Variants in NEGR1 observed in about 807,000 individuals in gnomAD.
NEGR1 encodes IgLON family member 4.
A neutral mutation model predicts 40.9 loss-of-function variants in NEGR1; 10 were observed. The observed-to-expected ratio is 0.24, with a 90% CI of 0.15 to 0.42. The LOEUF is 0.42. NEGR1 is among the 10% of genes least tolerant of loss of function. The pLI is 1.00. For missense variants in NEGR1, 352 were observed against 438.9 expected (o/e 0.80, Z 1.77); for synonymous variants, 185 against 166.8 (o/e 1.11, Z -0.84).
chr1:72,129,576 G>A (rs1650165511), intron 1 of NEGR1, among the ~76,000 whole-genome samples: 1 of 152,138 alleles, frequency 6.6e-6, no homozygotes, highest in African/African-American at 2.4e-5. Flanking sequence ...TTGAAGTTTA[G>A]GGAGAAAAGA....
intron 4 of NEGR1, among the ~76,000 whole-genome samples, chr1:71,642,614 CAA>C (rs879672787): frequency 1.4e-5 from 2 of 140,576 alleles, no homozygotes; most frequent in Admixed American, 7.1e-5. Flanking sequence ...ACTATGCAGT[CAA>C]AAAAAAAAAG....
At chr1:72,271,765 G>A (rs1655851911) in intron 1 of NEGR1, among the ~76,000 whole-genome samples, 1 of 151,810 alleles carries the variant, frequency 6.6e-6, no homozygotes, top group East Asian at 1.9e-4. Flanking sequence ...GAATTCCCAC[G>A]TGTTGTGGGA....
At chr1:71,468,906 T>C (rs1240508304) in intron 6 of NEGR1, 1 of 152,080 alleles carries the variant, frequency 6.6e-6, no homozygotes, top group African/African-American at 2.4e-5. Context: ...TGATATTAAA[T>C]ATTCAAGAAA....
At chr1:71,869,018 C>G (rs1472824507) in intron 2 of NEGR1, among the ~76,000 whole-genome samples, 2 of 152,158 alleles carry the variant, frequency 1.3e-5, no homozygotes, top group African/African-American at 2.4e-5. Context: ...TTAGGAACAC[C>G]TCCTGAGTGA....
intron 1 of NEGR1, among the ~76,000 whole-genome samples, chr1:71,995,362 T>C (rs1646495567): frequency 6.6e-6 from 1 of 152,140 alleles, no homozygotes; most frequent in African/African-American, 2.4e-5. Flanking sequence ...CGGTTCTATG[T>C]ATTTTGATTA....
At chr1:71,937,408 G>C (rs1362391561) in intron 1 of NEGR1, among the ~76,000 whole-genome samples, 1 of 152,300 alleles carries the variant, frequency 6.6e-6, no homozygotes. Context: ...GATAATTCTA[G>C]TGTGTCATTT....
chr1:71,579,559 T>G (rs908514896), intron 6 of NEGR1, among the ~76,000 whole-genome samples: 7 of 152,046 alleles, frequency 4.6e-5, no homozygotes, highest in African/African-American at 1.7e-4. Context: ...ATACAACTAC[T>G]TAAGTTTTTT....
intron 3 of NEGR1, among the ~76,000 whole-genome samples, chr1:71,750,448 C>T (rs374265219): frequency 4.5e-4 from 68 of 151,956 alleles, no homozygotes; most frequent in African/African-American, 1.4e-3. Context: ...AAGACATACC[C>T]GAGACATATA....
chr1:71,894,078 C>T (rs1341571839), intron 2 of NEGR1, among the ~76,000 whole-genome samples: 14 of 106,942 alleles, frequency 1.3e-4, no homozygotes, highest in South Asian at 8.3e-4. Flanking sequence ...GTGGTGGGGT[C>T]GGGGGAGGGG....
At chr1:71,578,119 A>G (rs1320087493) in intron 6 of NEGR1, among the ~76,000 whole-genome samples, 1 of 152,160 alleles carries the variant, frequency 6.6e-6, no homozygotes, top group African/African-American at 2.4e-5. Context: ...ATCAGTTAGT[A>G]GGGTATAATA....
chr1:71,770,464 A>C (rs192972240), intron 3 of NEGR1, among the ~76,000 whole-genome samples: 5 of 152,354 alleles, frequency 3.3e-5, no homozygotes, highest in African/African-American at 9.6e-5. Flanking sequence ...AAAGCAGTTA[A>C]GTAAAGTTAC....
At chr1:71,676,846 T>C (rs375509982) in intron 4 of NEGR1, among the ~76,000 whole-genome samples, 13 of 152,186 alleles carry the variant, frequency 8.5e-5, no homozygotes, top group African/African-American at 3.1e-4. Flanking sequence ...AGCAAACAGC[T>C]ATTAGAATGC....
chr1:71,546,734 C>T (rs55803472), intron 6 of NEGR1, among the ~76,000 whole-genome samples: 1 of 151,612 alleles, frequency 6.6e-6, no homozygotes, highest in Admixed American at 6.6e-5. Flanking sequence ...GGTCTGGACT[C>T]TGGAGCCTGT....
chr1:71,611,271 C>T, intron 4 of NEGR1, 125 bp from the exon 5 acceptor site: 1 of 800,264 alleles, frequency 1.2e-6, no homozygotes, highest in Non-Finnish European at 1.9e-6. Flanking sequence ...TAGACCAACG[C>T]ATCACATTTT....
chr1:71,596,876 T>C (rs534934037), intron 5 of NEGR1, among the ~76,000 whole-genome samples: 1 of 152,330 alleles, frequency 6.6e-6, no homozygotes, highest in South Asian at 2.1e-4. Flanking sequence ...TAACTTGGAA[T>C]AAGAGTGAGG....
At chr1:71,550,405 A>C (rs1295825220) in intron 6 of NEGR1, among the ~76,000 whole-genome samples, 1 of 151,448 alleles carries the variant, frequency 6.6e-6, no homozygotes, top group East Asian at 2.0e-4. Context: ...CCTTTAAAGG[A>C]TCTTTCCTAA....
intron 2 of NEGR1, among the ~76,000 whole-genome samples, chr1:71,902,098 G>A (rs1200757388): frequency 6.6e-6 from 1 of 152,154 alleles, no homozygotes; most frequent in Non-Finnish European, 1.5e-5. Context: ...GCAGTCTGGG[G>A]AAATTAAGGA....
At chr1:72,147,046 T>A (rs1650936913) in intron 1 of NEGR1, among the ~76,000 whole-genome samples, 1 of 152,196 alleles carries the variant, frequency 6.6e-6, no homozygotes, top group Non-Finnish European at 1.5e-5. Context: ...TCTTTTACTA[T>A]AAGGAAACAG....
At chr1:71,456,983 G>T (rs534769726) in intron 6 of NEGR1, among the ~76,000 whole-genome samples, 47 of 152,264 alleles carry the variant, frequency 3.1e-4, no homozygotes, top group Admixed American at 2.7e-3. Context: ...TGGGAAGGTG[G>T]TTGTTGTTTA....
Sources: gnomAD v4.1 joint callset for allele counts (sites outside exome capture counted in the v4.1 genomes callset) on GRCh38, gnomAD v4.1.1 for gene constraint, MANE v1.5 for transcripts, NCBI Gene and HGNC (gene_info 2026-07-23, HGNC 2026-07-21) for gene names.